Variants in ZDHHC17 observed in about 807,000 individuals in gnomAD.
The protein encoded by ZDHHC17 is zDHHC palmitoyltransferase 17.
Under a neutral mutation model 90.3 loss-of-function variants are expected in ZDHHC17, and 40 were observed. The ratio of observed to expected loss-of-function variants is 0.44; its 90% CI spans 0.34 to 0.58. The LOEUF (loss-of-function observed/expected upper bound fraction) is 0.58, where lower values mean the gene tolerates loss of function less well. ZDHHC17 is among the 20% of genes least tolerant of loss of function. The pLI, the probability that ZDHHC17 is intolerant of heterozygous loss-of-function variation, is 0.01. For synonymous variants in ZDHHC17, 235 were observed against 252.4 expected, an observed-to-expected ratio of 0.93 and a Z score of 0.65; for missense variants, 614 against 780.8, an observed-to-expected ratio of 0.79 and a Z score of 2.55.
rs990300739 is a variant in ZDHHC17 at position 76,778,579 on chromosome 12, G to A, written c.93+14250G>A. ...TATAGCTGGGTTTCAGATAACTTAC[G>A]TTAGATCTAAAAATGGATGCTGAGT... On this transcript the variant is annotated intron_variant, in intron 1 of 16. Transcript: ENST00000426126. 5.9e-5 allele frequency among the ~76,000 whole-genome samples: 9 copies of A among 152,264 alleles called. No homozygotes were observed. The East Asian group carries it at 1.5e-3, about 26-fold the overall frequency.
chr12:76,789,238 G>A (rs1952731228), intron 1 of ZDHHC17, among the ~76,000 whole-genome samples: 2 of 152,152 alleles, frequency 1.3e-5, no homozygotes, highest in African/African-American at 4.8e-5. Flanking sequence ...TCAGTAGTGA[G>A]GAAGAATCCA....
intron 16 of ZDHHC17, 73 bp downstream of exon 16, chr12:76,849,543 T>A: frequency 1.2e-6 from 1 of 868,068 alleles, no homozygotes; most frequent in Non-Finnish European, 1.8e-6. Context: ...CTCTTTTACT[T>A]AGTGATATGT....
At chr12:76,784,256 C>G (rs1435113385) in intron 1 of ZDHHC17, among the ~76,000 whole-genome samples, 2 of 151,988 alleles carry the variant, frequency 1.3e-5, no homozygotes, top group Non-Finnish European at 2.9e-5. Flanking sequence ...ATGTCTAAAC[C>G]ATATCTAGTT....
intron 1 of ZDHHC17, among the ~76,000 whole-genome samples, chr12:76,765,044 C>G (rs1952416268): frequency 6.6e-6 from 1 of 152,176 alleles, no homozygotes; most frequent in Non-Finnish European, 1.5e-5. Context: ...CACAGTCAGT[C>G]AGTCTGTGCT....
At chr12:76,801,574 A>G (rs1009787400) in intron 2 of ZDHHC17, among the ~76,000 whole-genome samples, 1 of 152,080 alleles carries the variant, frequency 6.6e-6, no homozygotes, top group African/African-American at 2.4e-5. Context: ...GAATGGCGTG[A>G]ACCTGGGAGG....
At chr12:76,850,804 T>G (rs1254609659) in intron 16 of ZDHHC17, 43 bp from the exon 17 acceptor site, 1 of 1,590,860 alleles carries the variant, frequency 6.3e-7, no homozygotes, top group Admixed American at 1.9e-5. Flanking sequence ...ATTAAATCAT[T>G]TGTACTGACT....
At chr12:76,826,776 C>T (rs1278050824) in intron 8 of ZDHHC17, 132 bp from the exon 9 acceptor site, 1 of 863,042 alleles carries the variant, frequency 1.2e-6, no homozygotes, top group South Asian at 2.2e-5. Context: ...TTGAATAGTA[C>T]TGATACATAG....
At chr12:76,830,790 A>G (rs1174126687) in intron 10 of ZDHHC17, among the ~76,000 whole-genome samples, 1 of 152,242 alleles carries the variant, frequency 6.6e-6, no homozygotes, top group African/African-American at 2.4e-5. Context: ...ATAATGTGTA[A>G]GTGGCAAGAA....
chr12:76,769,888 A>C (rs1163331867), intron 1 of ZDHHC17, among the ~76,000 whole-genome samples: 1 of 152,188 alleles, frequency 6.6e-6, no homozygotes, highest in Non-Finnish European at 1.5e-5. Flanking sequence ...CATTTTCCTG[A>C]TTCGGCTTGT....
In ZDHHC17 at chr12:76,848,354, G is replaced by A; in HGVS notation, c.1629G>A (p.Met543Ile). The A allele has an allele frequency of 1.9e-6, 3 of 1,613,898 alleles. No individual in the cohort carries two copies. The highest frequency in any genetic ancestry group is 2.5e-6 in the Non-Finnish European group (3 of 1,179,846). ...WMFLNSVFHF[M>I]WVAVLLMCQM... ...TCCTGAACAGTGTTTTCCACTTCAT[G>A]TGGGTGGCTGTATTACTCATGTGTC... Residue 543 changes from methionine to isoleucine, a missense_variant, in exon 15 of 17, where the codon ATG (methionine) becomes ATA (isoleucine). Around this residue, in one of 5 missense-constraint regions of ZDHHC17, gnomAD observed 111 missense variants for 179.8 expected, o/e 0.62. Transcript: ENST00000426126.
intron 10 of ZDHHC17, among the ~76,000 whole-genome samples, chr12:76,829,455 C>CA (rs58051393): frequency 0.013 from 904 of 71,902 alleles, 105 homozygotes; most frequent in African/African-American, 0.031. Context: ...GACTATGTCT[C>CA]AAAAAAAAAA....
chr12:76,846,642 T>C lies in ZDHHC17; in HGVS notation c.1470T>C (p.Leu490=). The part of the protein sequence containing the change: ...RYFMGYLFFL[L]FMICWMIYGC... ...TTATGGGCTACCTATTCTTCTTGCT[T>C]TTTATGATCTGCTGGATGATTTATG... is the stretch of plus-strand genomic sequence containing the variant. The change falls in exon 14 of 17, where the codon CTT becomes CTC. Residue 490 remains leucine (L), a synonymous_variant. Transcript: ENST00000426126. 6.2e-7 allele frequency: 1 copy of C among 1,612,284 alleles called. No individual in the cohort carries two copies. The highest frequency in any genetic ancestry group is 8.5e-7 in the Non-Finnish European group (1 of 1,178,924).
chr12:76,826,352 G>A (rs1159985140), intron 8 of ZDHHC17, among the ~76,000 whole-genome samples: 1 of 152,204 alleles, frequency 6.6e-6, no homozygotes, highest in African/African-American at 2.4e-5. Flanking sequence ...GGAGTATTGA[G>A]CACTCTGCCT....
At position 76,789,443 on chromosome 12, in the gene ZDHHC17, C is replaced by T. The variant is rs556979909; in HGVS notation, c.94-7991C>T. Among the ~76,000 whole-genome samples, 258 of 152,210 alleles carry T rather than the reference C, an allele frequency of 1.7e-3. 1 individual carries two copies. Among genetic ancestry groups the T allele is most frequent in the Non-Finnish European group, 3.1e-3 (213 of 68,008 alleles). On this transcript the variant is annotated intron_variant, in intron 1 of 16. Coordinates refer to ENST00000426126, the MANE Select transcript of ZDHHC17 (RefSeq NM_015336.4). ...ATACACAATCTCAGTTCAGTTAGGA[C>T]ATGTAAGAATAACCTAAAAATGTTC...
At chr12:76,767,018 C>CAAAAAAAAAA (rs375447750) in intron 1 of ZDHHC17, among the ~76,000 whole-genome samples, 1 of 85,872 alleles carries the variant, frequency 1.2e-5, no homozygotes, top group Non-Finnish European at 2.5e-5. Context: ...GATTATGTCT[C>CAAAAAAAAAA]AAAAAAAAAA....
At chr12:76,849,720 A>C (rs1342883156) in intron 16 of ZDHHC17, 6 of 275,850 alleles carry the variant, frequency 2.2e-5, no homozygotes, top group Non-Finnish European at 4.0e-5. Flanking sequence ...GTGCTTAGAA[A>C]TAGTAGGGTC....
chr12:76,780,442 G>A (rs1247161703), intron 1 of ZDHHC17, among the ~76,000 whole-genome samples: 1 of 152,184 alleles, frequency 6.6e-6, no homozygotes, highest in African/African-American at 2.4e-5. Context: ...GGCTCTACCA[G>A]ATCATTTCTG....
chr12:76,811,930 A>G (rs954093324), intron 5 of ZDHHC17, among the ~76,000 whole-genome samples: 7 of 152,292 alleles, frequency 4.6e-5, no homozygotes, highest in Admixed American at 1.3e-4. Flanking sequence ...CGTTGTACAC[A>G]CACTTTGTTT....
At chr12:76,805,580 AAAAAG>A (rs1361649858) in intron 3 of ZDHHC17, 141 bp downstream of exon 3, 1 of 788,080 alleles carries the variant, frequency 1.3e-6, no homozygotes, top group African/African-American at 1.8e-5. Context: ...TGTTTTTCTG[AAAAAG>A]AAAAATTGCT....
Sources: allele counts gnomAD v4.1 joint callset (sites outside exome capture counted in the v4.1 genomes callset), GRCh38; gene constraint gnomAD v4.1.1; regional missense constraint gnomAD v4.1.1; transcripts MANE v1.5; gene names NCBI Gene and HGNC (gene_info 2026-07-23, HGNC 2026-07-21).